The following RBFOX1 variants were observed in gnomAD, a reference collection of about 807,000 sequenced individuals.
RBFOX1 encodes the protein RNA binding protein fox-1 homolog 1.
Under a neutral mutation model 57.7 loss-of-function variants are expected in RBFOX1, and 8 were observed. The ratio of observed to expected loss-of-function variants is 0.14; its 90% CI spans 0.08 to 0.25. The LOEUF (loss-of-function observed/expected upper bound fraction) is 0.25, where lower values mean the gene tolerates loss of function less well. RBFOX1 is among the 10% of genes least tolerant of loss of function. The probability of loss-of-function intolerance (pLI) is 1.00; values close to 1 mark genes in which losing one functional copy is unlikely to be tolerated. For missense variants in RBFOX1, 611 were observed against 548.5 expected, an observed-to-expected ratio of 1.11 and a Z score of -1.14; for synonymous variants, 326 against 222.4, an observed-to-expected ratio of 1.47 and a Z score of -4.15.
chr16:5,949,034 C>A (rs115718721), intron 4 of RBFOX1, among the ~76,000 whole-genome samples: 2,340 of 152,246 alleles, frequency 0.015, 27 homozygotes, highest in South Asian at 0.023. Context: ...GTCATATACA[C>A]AACTATTATG....
chr16:7,291,532 A>G (rs185843479), intron 4 of RBFOX1, among the ~76,000 whole-genome samples: 1 of 152,328 alleles, frequency 6.6e-6, no homozygotes, highest in South Asian at 2.1e-4. Context: ...GCAAAGGAAG[A>G]TGTGAAGGGC....
chr16:5,560,436 A>C lies in RBFOX1; in HGVS notation c.259-38466A>C, dbSNP rs1052216281. 4.0e-5 allele frequency among the ~76,000 whole-genome samples: 6 copies of C among 151,792 alleles called. No homozygotes were observed. In the South Asian group the frequency reaches 1.0e-3, roughly 26 times the overall value. ...CAAGTTTGAGATGGCTTCTCCCCGC[A>C]CTCCGGTGTTATTACACTGCACTGC... On this transcript the variant is annotated intron_variant, in intron 2 of 2. Transcript: ENST00000585867.
chr16:6,583,526 T>C (rs111710628), intron 2 of RBFOX1, among the ~76,000 whole-genome samples: 1 of 152,234 alleles, frequency 6.6e-6, no homozygotes, highest in African/African-American at 2.4e-5. Flanking sequence ...CCATTTTACA[T>C]TTTATTCCTT....
Position 5,578,844 on chromosome 16 carries a change from C to CT in RBFOX1, c.259-20035dup, listed in dbSNP as rs57387602. 1.1e-3 allele frequency among the ~76,000 whole-genome samples: 118 copies of CT among 109,092 alleles called. 1 individual carries two copies. Among genetic ancestry groups the CT allele is most frequent in the African/African-American group, 3.8e-3 (108 of 28,642 alleles). 71.6% of individuals were successfully genotyped at this position (109,092 alleles called of 152,430 possible). A position where few individuals can be genotyped will look rare whatever the true frequency, so the allele number is the denominator to read the frequency against. ...AAACCTCCACACACACACACACACC[C>CT]TTTTTTTTTTTTTTTTTTTTTTTGA... On this transcript the variant is annotated intron_variant, in intron 2 of 2. Transcript: ENST00000585867.
intron 3 of RBFOX1, among the ~76,000 whole-genome samples, chr16:6,821,047 C>T (rs72766752): frequency 0.066 from 10,077 of 152,222 alleles, 489 homozygotes; most frequent in Non-Finnish European, 0.11. Context: ...AAAACAGATT[C>T]CTATATATTT....
chr16:6,840,284 A>G (rs1459438228), intron 3 of RBFOX1, among the ~76,000 whole-genome samples: 3 of 152,212 alleles, frequency 2.0e-5, no homozygotes, highest in African/African-American at 7.2e-5. Flanking sequence ...GACCTTCCGA[A>G]AAATGAAAAG....
chr16:7,501,035 T>C (rs1381401112), intron 4 of RBFOX1, among the ~76,000 whole-genome samples: 1 of 152,226 alleles, frequency 6.6e-6, no homozygotes, highest in Non-Finnish European at 1.5e-5. Flanking sequence ...ACCATGATTG[T>C]AAGTTTCCTG....
chr16:7,515,478 TACACACACACAC>T (rs144695101), intron 4 of RBFOX1, among the ~76,000 whole-genome samples: 1 of 146,716 alleles, frequency 6.8e-6, no homozygotes, highest in Non-Finnish European at 1.5e-5. Flanking sequence ...CACACACACA[TACACACACACAC>T]ACACACACAC....
intron 3 of RBFOX1, among the ~76,000 whole-genome samples, chr16:5,860,624 C>T (rs1372289683): frequency 6.6e-6 from 1 of 152,082 alleles, no homozygotes; most frequent in African/African-American, 2.4e-5. Flanking sequence ...TGATAAGTTC[C>T]AAAATAGTGA....
chr16:6,372,517 G>A (rs1203541691), intron 2 of RBFOX1, among the ~76,000 whole-genome samples: 2 of 151,804 alleles, frequency 1.3e-5, no homozygotes, highest in African/African-American at 2.4e-5. Context: ...TTGGATGGAA[G>A]GATAGCTGGT....
In RBFOX1 at chr16:6,450,831, ATATATGTG is replaced by A. The variant is rs1597416788; in HGVS notation, c.-64+133780_-64+133787del. Among the ~76,000 whole-genome samples the A allele has an allele frequency of 1.3e-3, 46 of 34,462 alleles. 2 individuals are homozygous for A. Among genetic ancestry groups the A allele is most frequent in the Non-Finnish European group, 1.6e-3 (32 of 19,632 alleles). The allele number at this position is 34,462 out of a possible 152,430, so 22.6% of individuals were successfully genotyped here. ...TATATATATATACATATATATATAT[ATATATGTG>A]TATATATATATATATATATATATAT... On this transcript the variant is annotated intron_variant, in intron 2 of 15. Coordinates refer to ENST00000550418, the MANE Select transcript of RBFOX1 (RefSeq NM_018723.4).
intron 3 of RBFOX1, among the ~76,000 whole-genome samples, chr16:6,951,725 C>A (rs952459032): frequency 1.3e-5 from 2 of 152,080 alleles, no homozygotes; most frequent in Non-Finnish European, 2.9e-5. Context: ...AGACTCCACA[C>A]TTCTCTCTTT....
intron 3 of RBFOX1, among the ~76,000 whole-genome samples, chr16:5,792,597 C>T (rs1483029246): frequency 4.6e-5 from 7 of 152,154 alleles, no homozygotes; most frequent in African/African-American, 1.7e-4. Flanking sequence ...AATCCCAGCA[C>T]TTTGGGAGGC....
At chr16:6,297,595 A>G (rs1308470495) in intron 1 of RBFOX1, among the ~76,000 whole-genome samples, 2 of 152,104 alleles carry the variant, frequency 1.3e-5, no homozygotes, top group Non-Finnish European at 2.9e-5. Flanking sequence ...TCCTTGGCAA[A>G]GGCTTCACCC....
chr16:6,199,531 G>T (rs2097201938), intron 1 of RBFOX1, among the ~76,000 whole-genome samples: 1 of 152,166 alleles, frequency 6.6e-6, no homozygotes, highest in Non-Finnish European at 1.5e-5. Context: ...TAAAATGGTA[G>T]TTCTAATTCA....
intron 3 of RBFOX1, among the ~76,000 whole-genome samples, chr16:5,846,303 G>A (rs1207340414): frequency 3.3e-5 from 5 of 152,078 alleles, no homozygotes; most frequent in East Asian, 1.9e-4. Context: ...AAAGGAGGAG[G>A]AGAAGAGGGC....
At chr16:7,261,060 G>T (rs1453467608) in intron 4 of RBFOX1, among the ~76,000 whole-genome samples, 2 of 152,106 alleles carry the variant, frequency 1.3e-5, no homozygotes, top group African/African-American at 4.8e-5. Flanking sequence ...CCTGAAAAAT[G>T]GCCCAAAATG....
intron 5 of RBFOX1, among the ~76,000 whole-genome samples, chr16:7,565,962 G>A (rs2091572379): frequency 6.6e-6 from 1 of 152,100 alleles, no homozygotes; most frequent in African/African-American, 2.4e-5. Context: ...CAGCAGCTGG[G>A]CCCAAATCAT....
chr16:7,049,513 A>T (rs2049218424), intron 3 of RBFOX1, among the ~76,000 whole-genome samples: 1 of 151,986 alleles, frequency 6.6e-6, no homozygotes, highest in Non-Finnish European at 1.5e-5. Context: ...TAGTGTTAAG[A>T]CTCATCTGTC....
Sources: allele counts gnomAD v4.1 joint callset (sites outside exome capture counted in the v4.1 genomes callset), GRCh38; gene constraint gnomAD v4.1.1; transcripts MANE v1.5; gene names NCBI Gene and HGNC (gene_info 2026-07-23, HGNC 2026-07-21).